The following CNOT4 variants were observed in gnomAD, a reference collection of about 807,000 sequenced individuals.
CNOT4 encodes CCR4-NOT transcription complex subunit 4.
A neutral mutation model predicts 73.8 loss-of-function variants in CNOT4; 8 were observed. That is an observed-to-expected ratio of 0.11 (90% CI 0.06 to 0.20). CNOT4 has a LOEUF of 0.20. CNOT4 is among the 10% of genes least tolerant of loss of function. CNOT4 has a pLI of 1.00. For missense variants in CNOT4, 564 were observed against 883.4 expected (o/e 0.64, Z 4.58); for synonymous variants, 293 against 321.1 (o/e 0.91, Z 0.94).
chr7:135,424,086 C>T (rs886535931), intron 2 of CNOT4, among the ~76,000 whole-genome samples: 1 of 107,262 alleles, frequency 9.3e-6, no homozygotes, highest in Non-Finnish European at 2.0e-5. Context: ...CACACACACA[C>T]ACACATTTTT....
intron 1 of CNOT4, among the ~76,000 whole-genome samples, chr7:135,457,898 C>T (rs1246133110): frequency 3.9e-5 from 6 of 152,032 alleles, no homozygotes; most frequent in Non-Finnish European, 8.8e-5. Context: ...TGGTCTCCCC[C>T]ACTCTTAATG....
intron 1 of CNOT4, among the ~76,000 whole-genome samples, chr7:135,439,827 T>C (rs1799368062): frequency 6.6e-6 from 1 of 152,110 alleles, no homozygotes; most frequent in African/African-American, 2.4e-5. Flanking sequence ...GTTTTAATAT[T>C]TGCTAAAATG....
intron 1 of CNOT4, among the ~76,000 whole-genome samples, chr7:135,449,045 A>G (rs1385753461): frequency 6.6e-6 from 1 of 152,238 alleles, no homozygotes. Flanking sequence ...AACTATCTTA[A>G]GTAATGATGA....
intron 1 of CNOT4, chr7:135,509,501 G>GCCCTCT (rs1454374503): frequency 1.3e-5 from 2 of 152,780 alleles, no homozygotes; most frequent in African/African-American, 4.8e-5. Flanking sequence ...GGGGCCAGAG[G>GCCCTCT]GAAAGGACGT....
At chr7:135,485,471 T>G (rs1802658437) in intron 1 of CNOT4, among the ~76,000 whole-genome samples, 1 of 151,362 alleles carries the variant, frequency 6.6e-6, no homozygotes, top group Admixed American at 6.6e-5. Context: ...AAAAAACAAG[T>G]AGAATTATGC....
At chr7:135,454,782 G>T (rs1346522552) in intron 1 of CNOT4, among the ~76,000 whole-genome samples, 2 of 152,152 alleles carry the variant, frequency 1.3e-5, no homozygotes, top group Admixed American at 1.3e-4. Flanking sequence ...GTCCCAGGGG[G>T]CTGAGGCACA....
rs778449095 is a variant in CNOT4, at chr7:135,509,262, TG to T, written c.-93+626del. The T allele has an allele frequency of 3.2e-4, 49 of 152,230 alleles. 1 individual carries two copies. Among genetic ancestry groups the T allele is most frequent in the Non-Finnish European group, 4.4e-5 (3 of 68,122 alleles). 9.4% of individuals were successfully genotyped at this position (152,230 alleles called of 1,614,324 possible). On this transcript the variant is annotated intron_variant, in intron 1 of 11. Coordinates refer to ENST00000541284, the MANE Select transcript of CNOT4 (RefSeq NM_001190850.2). Reference sequence around the variant, plus strand: ...AGATACTTAAGGGGCAGCTTTAAGATGACAGATGTGGTGGAAGGAAAGACTG... The same window carrying T: ...AGATACTTAAGGGGCAGCTTTAAGATACAGATGTGGTGGAAGGAAAGACTG...
chr7:135,445,782 G>A (rs115554804), intron 1 of CNOT4, among the ~76,000 whole-genome samples: 3,046 of 152,222 alleles, frequency 0.02, 108 homozygotes, highest in African/African-American at 0.07. Flanking sequence ...ATCAAATTCT[G>A]ATACATGCTA....
intron 1 of CNOT4, among the ~76,000 whole-genome samples, chr7:135,476,142 C>CA (rs1484510996): frequency 6.6e-6 from 1 of 151,896 alleles, no homozygotes; most frequent in East Asian, 1.9e-4. Context: ...TCTATGACAT[C>CA]AAAAAAACCT....
chr7:135,463,446 G>A (rs1268338672), intron 1 of CNOT4, among the ~76,000 whole-genome samples: 1 of 150,406 alleles, frequency 6.6e-6, no homozygotes, highest in Non-Finnish European at 1.5e-5. Context: ...GCTGAGGCAG[G>A]AGAATCGCTT....
In CNOT4 at chr7:135,363,302, A is replaced by C; in HGVS notation, c.1841-116T>G. On this transcript the variant is annotated intron_variant, in intron 11 of 11. Coordinates refer to ENST00000541284, the MANE Select transcript of CNOT4 (RefSeq NM_001190850.2). This position sits in a 1 kb window ranked among gnomAD's most constrained non-coding sequence, Gnocchi z 4.3. The stretch of plus-strand genomic sequence containing the variant: ...GAAAGACAGAAGAGATTACAATTTT[A>C]AACTCCTTCCAAATAAGACCTTTTA... 1 of 925,916 alleles carries C rather than the reference A, an allele frequency of 1.1e-6. No individual in the cohort carries two copies. Among genetic ancestry groups the C allele is most frequent in the Non-Finnish European group, 1.7e-6 (1 of 603,186 alleles). 57.4% of individuals were successfully genotyped at this position (925,916 alleles called of 1,614,324 possible).
chr7:135,493,349 A>G (rs1180849030), intron 1 of CNOT4, among the ~76,000 whole-genome samples: 2 of 152,212 alleles, frequency 1.3e-5, no homozygotes, highest in Admixed American at 1.3e-4. Context: ...TTCAAGTCTC[A>G]GTGCATAGGA....
At chr7:135,409,470 A>T (rs1159012039) in intron 7 of CNOT4, among the ~76,000 whole-genome samples, 1 of 152,144 alleles carries the variant, frequency 6.6e-6, no homozygotes, top group Non-Finnish European at 1.5e-5. Flanking sequence ...GTTTTTAATA[A>T]TTTAAATAAT....
chr7:135,484,465 G>A (rs1230620703), intron 1 of CNOT4, among the ~76,000 whole-genome samples: 6 of 151,960 alleles, frequency 3.9e-5, no homozygotes. Context: ...AAGATGCAAG[G>A]TCAACATACA....
chr7:135,374,092 T>A (rs1291632802), intron 10 of CNOT4, among the ~76,000 whole-genome samples: 1 of 152,208 alleles, frequency 6.6e-6, no homozygotes, highest in African/African-American at 2.4e-5. Context: ...CAAGTAGTCA[T>A]AGAGGTTCCA....
At chr7:135,437,469 G>T (rs530364876) in intron 2 of CNOT4, among the ~76,000 whole-genome samples, 1 of 151,708 alleles carries the variant, frequency 6.6e-6, no homozygotes, top group Admixed American at 6.6e-5. Flanking sequence ...GATTACAGGC[G>T]TGAGCCACCG....
At chr7:135,406,298 C>A (rs1330496653) in intron 7 of CNOT4, among the ~76,000 whole-genome samples, 1 of 103,838 alleles carries the variant, frequency 9.6e-6, no homozygotes, top group Non-Finnish European at 1.9e-5. Context: ...AACATCCCCA[C>A]CCCCCACCCT....
chr7:135,388,946 G>A (rs1021201413), intron 10 of CNOT4: 2 of 1,565,566 alleles, frequency 1.3e-6, no homozygotes, highest in African/African-American at 1.4e-5. Context: ...TTTGTTAACA[G>A]TCCCTTTAAA....
At chr7:135,396,961 T>C (rs1048785329) in intron 8 of CNOT4, among the ~76,000 whole-genome samples, 2 of 152,106 alleles carry the variant, frequency 1.3e-5, no homozygotes, top group African/African-American at 4.8e-5. Context: ...TTTATTACTA[T>C]TTGTTTCATG....
Sources: gnomAD v4.1 joint callset for allele counts (sites outside exome capture counted in the v4.1 genomes callset) on GRCh38, gnomAD v4.1.1 for gene constraint, Gnocchi (gnomAD v3.1) non-coding constraint, MANE v1.5 for transcripts, NCBI Gene and HGNC (gene_info 2026-07-23, HGNC 2026-07-21) for gene names.